Variants in MBNL2 observed in about 807,000 individuals in gnomAD.
MBNL2 encodes the protein muscleblind like splicing regulator 2, also known as muscleblind-like protein 2.
Under a neutral mutation model 41.9 loss-of-function variants are expected in MBNL2, and 17 were observed. The observed-to-expected ratio is 0.41, with a 90% CI of 0.28 to 0.61. The LOEUF is 0.61. MBNL2 is among the 20% of genes least tolerant of loss of function. The probability of loss-of-function intolerance (pLI) is 0.35; values close to 1 mark genes in which losing one functional copy is unlikely to be tolerated. For missense variants in MBNL2, 336 were observed against 505.6 expected (o/e 0.66, Z 3.22); for synonymous variants, 195 against 182.9 (o/e 1.07, Z -0.53).
the MBNL2 span, among the ~76,000 whole-genome samples, chr13:97,155,201 G>A: frequency 6.6e-6 from 1 of 151,914 alleles, no homozygotes; most frequent in African/African-American, 2.4e-5. Flanking sequence ...TTTCCATTGA[G>A]TTGGAAATAT....
chr13:97,297,474 G>A (rs1490015520), intron 2 of MBNL2, among the ~76,000 whole-genome samples: 1 of 152,090 alleles, frequency 6.6e-6, no homozygotes, highest in African/African-American at 2.4e-5. Flanking sequence ...CATCAGACTT[G>A]ACTGGGAGAA....
At chr13:97,258,870 A>T (rs1179240562) in intron 1 of MBNL2, among the ~76,000 whole-genome samples, 1 of 152,228 alleles carries the variant, frequency 6.6e-6, no homozygotes, top group Non-Finnish European at 1.5e-5. Flanking sequence ...CTCAGGCCAG[A>T]GGAAGGCCTG....
the MBNL2 span, among the ~76,000 whole-genome samples, chr13:97,215,598 C>T: frequency 6.6e-6 from 1 of 152,142 alleles, no homozygotes; most frequent in Admixed American, 6.5e-5. Context: ...TGCTACAATC[C>T]ATTAAAAACT....
intron 1 of MBNL2, among the ~76,000 whole-genome samples, chr13:97,256,338 A>AT (rs992513090): frequency 7.3e-5 from 11 of 150,530 alleles, no homozygotes; most frequent in East Asian, 3.9e-4. Flanking sequence ...TGGGACATGG[A>AT]TTTTTTTTAA....
Position 97,334,280 on chromosome 13 carries a change from G to A in MBNL2, c.179G>A (p.Arg60His), listed in dbSNP as rs768857058. The change falls in exon 3 of 9, where the codon CGT (arginine) becomes CAT (histidine). Residue 60 changes from arginine (R) to histidine (H), a missense_variant. By Grantham distance (29) the Arg-to-His change is conservative (BLOSUM62 0). Transcript: ENST00000679496. The surrounding 1 kb of genome is among the most constrained non-coding windows in gnomAD (Gnocchi z 5.3). ...VIACFDSLKG[R>H]CSRENCKYLH... is the part of the protein sequence containing the mutation. ...AACCAACACTTGTTTTTACAGGGCC[G>A]TTGTTCGAGAGAGAACTGCAAGTAT... 7 of 1,607,114 alleles carry A rather than the reference G, an allele frequency of 4.4e-6. No homozygotes were observed. The highest frequency in any genetic ancestry group is 1.3e-5 in the African/African-American group (1 of 74,498).
chr13:97,293,140 ATATT>A (rs1333958829), intron 2 of MBNL2, among the ~76,000 whole-genome samples: 1 of 151,964 alleles, frequency 6.6e-6, no homozygotes, highest in East Asian at 1.9e-4. Context: ...TCTGAGTAGA[ATATT>A]TAGTTCTGTT....
intron 1 of MBNL2, among the ~76,000 whole-genome samples, chr13:97,230,872 A>T (rs1273516043): frequency 6.6e-6 from 1 of 152,216 alleles, no homozygotes; most frequent in African/African-American, 2.4e-5. Flanking sequence ...AATATTAGAT[A>T]GTTAAGGGAA....
intron 1 of MBNL2, among the ~76,000 whole-genome samples, chr13:97,255,541 C>T (rs1566369523): frequency 1.3e-5 from 2 of 152,174 alleles, no homozygotes; most frequent in Non-Finnish European, 2.9e-5. Context: ...TCCCAGCTAG[C>T]ATGTGACTGT....
At chr13:97,381,878 T>C (rs571608479) in intron 8 of MBNL2, among the ~76,000 whole-genome samples, 1 of 152,086 alleles carries the variant, frequency 6.6e-6, no homozygotes, top group Admixed American at 6.5e-5. Context: ...TGTCTGCATA[T>C]TACATATATT....
chr13:97,165,063 G>A, the MBNL2 span, among the ~76,000 whole-genome samples: 1 of 152,138 alleles, frequency 6.6e-6, no homozygotes, highest in African/African-American at 2.4e-5. Context: ...AATTAGCCAG[G>A]CATGGTGGTG....
intron 1 of MBNL2, among the ~76,000 whole-genome samples, chr13:97,261,309 C>T (rs1457309662): frequency 1.3e-5 from 2 of 152,092 alleles, no homozygotes; most frequent in Non-Finnish European, 2.9e-5. Flanking sequence ...CATGCACACA[C>T]ATCAAGAAAT....
chr13:97,208,315 T>G, the MBNL2 span, among the ~76,000 whole-genome samples: 1 of 152,168 alleles, frequency 6.6e-6, no homozygotes, highest in African/African-American at 2.4e-5. Context: ...TGAGAAAGAC[T>G]TGGACAGGAA....
intron 1 of MBNL2, among the ~76,000 whole-genome samples, chr13:97,240,853 A>G (rs1328747004): frequency 6.6e-6 from 1 of 152,160 alleles, no homozygotes; most frequent in Non-Finnish European, 1.5e-5. Context: ...GAGCTCCGTG[A>G]TAGGCCATGC....
intron 2 of MBNL2, among the ~76,000 whole-genome samples, chr13:97,316,544 G>A (rs1301247695): frequency 6.6e-6 from 1 of 152,196 alleles, no homozygotes; most frequent in Non-Finnish European, 1.5e-5. Flanking sequence ...GGCTCATGGA[G>A]TCCAGATTCT....
At chr13:97,311,472 T>C (rs1235664104) in intron 2 of MBNL2, among the ~76,000 whole-genome samples, 1 of 152,092 alleles carries the variant, frequency 6.6e-6, no homozygotes, top group Non-Finnish European at 1.5e-5. Flanking sequence ...ATGTTTACAA[T>C]TAAATTTAAG....
At chr13:97,201,674 A>G in the MBNL2 span, among the ~76,000 whole-genome samples, 8 of 152,348 alleles carry the variant, frequency 5.3e-5, no homozygotes, top group South Asian at 2.1e-4. Context: ...AGAAGGTTCT[A>G]TAAGTTGAAA....
At chr13:97,166,069 G>A in the MBNL2 span, among the ~76,000 whole-genome samples, 1 of 152,196 alleles carries the variant, frequency 6.6e-6, no homozygotes, top group Non-Finnish European at 1.5e-5. Flanking sequence ...AGTAACAGTT[G>A]CACTGTTTGT....
At chr13:97,154,345 T>C in the MBNL2 span, among the ~76,000 whole-genome samples, 2 of 152,142 alleles carry the variant, frequency 1.3e-5, no homozygotes, top group Non-Finnish European at 2.9e-5. Flanking sequence ...GACAGAGTCT[T>C]GCTCTTTTTC....
intron 5 of MBNL2, among the ~76,000 whole-genome samples, chr13:97,355,907 GA>G: frequency 6.6e-6 from 1 of 152,140 alleles, no homozygotes; most frequent in Non-Finnish European, 1.5e-5. Flanking sequence ...AAATTATTTT[GA>G]TAGCTGGGGA....
Sources: allele counts gnomAD v4.1 joint callset (sites outside exome capture counted in the v4.1 genomes callset), GRCh38; gene constraint gnomAD v4.1.1; non-coding constraint Gnocchi (gnomAD v3.1); transcripts MANE v1.5; gene names NCBI Gene and HGNC (gene_info 2026-07-23, HGNC 2026-07-21).